The following FRMD6 variants were observed in gnomAD, a reference collection of about 807,000 sequenced individuals.
FRMD6 encodes the protein FERM domain-containing protein 6.
Under a neutral mutation model 73.2 loss-of-function variants are expected in FRMD6, and 37 were observed. The observed-to-expected ratio is 0.51, with a 90% CI of 0.39 to 0.66. FRMD6 has a LOEUF of 0.66. FRMD6 is among the 30% of genes least tolerant of loss of function. The probability of loss-of-function intolerance (pLI) is 0.00; values close to 1 mark genes in which losing one functional copy is unlikely to be tolerated. For missense variants in FRMD6, 714 were observed against 780.5 expected (o/e 0.91, Z 1.02); for synonymous variants, 273 against 282.2 (o/e 0.97, Z 0.33).
intron 1 of FRMD6, chr14:51,548,002 T>G (rs893479277): frequency 3.9e-5 from 6 of 152,100 alleles, no homozygotes; most frequent in African/African-American, 1.4e-4. Context: ...GAAATGTTAA[T>G]GAGGTGATGG....
chr14:51,673,650 T>C (rs1184037542), intron 1 of FRMD6, among the ~76,000 whole-genome samples: 1 of 152,184 alleles, frequency 6.6e-6, no homozygotes, highest in Admixed American at 6.6e-5. Context: ...GAACTGAAAG[T>C]TCCTGGATGT....
upstream of FRMD6, among the ~76,000 whole-genome samples, chr14:51,484,400 G>C (rs1340605286): frequency 2.0e-5 from 3 of 152,092 alleles, no homozygotes; most frequent in Non-Finnish European, 4.4e-5. Context: ...CACCAGAATA[G>C]CCACTCAACA....
intron 1 of FRMD6, among the ~76,000 whole-genome samples, chr14:51,687,365 A>C (rs987540230): frequency 3.9e-5 from 6 of 152,188 alleles, no homozygotes; most frequent in Non-Finnish European, 8.8e-5. Context: ...AGATGCATTT[A>C]ATCAAAGCTT....
chr14:51,501,697 A>G (rs1883629299), intron 1 of FRMD6, among the ~76,000 whole-genome samples: 1 of 152,106 alleles, frequency 6.6e-6, no homozygotes, highest in Non-Finnish European at 1.5e-5. Flanking sequence ...ATGTTTCTTT[A>G]TAATAAAACA....
chr14:51,612,249 T>C (rs948073425), intron 2 of FRMD6, among the ~76,000 whole-genome samples: 10 of 152,204 alleles, frequency 6.6e-5, no homozygotes, highest in African/African-American at 2.4e-4. Context: ...CTCCATTTAG[T>C]CAACTCTAGA....
At chr14:51,608,530 C>T (rs1405484538) in intron 2 of FRMD6, among the ~76,000 whole-genome samples, 2 of 151,994 alleles carry the variant, frequency 1.3e-5, no homozygotes, top group Non-Finnish European at 2.9e-5. Context: ...CCTCCCCTTC[C>T]TTCTCTCAGG....
At chr14:51,640,392 T>A (rs973283607) in intron 2 of FRMD6, among the ~76,000 whole-genome samples, 2 of 152,226 alleles carry the variant, frequency 1.3e-5, no homozygotes, top group African/African-American at 4.8e-5. Context: ...CTGTATGTCA[T>A]GAATGGGTAT....
intron 2 of FRMD6, among the ~76,000 whole-genome samples, chr14:51,628,253 A>G (rs1458067428): frequency 1.3e-5 from 2 of 152,220 alleles, no homozygotes; most frequent in African/African-American, 4.8e-5. Flanking sequence ...TACTTTTAAT[A>G]TGAAGATCAC....
the FRMD6 span, among the ~76,000 whole-genome samples, chr14:51,478,045 T>A: frequency 2.0e-5 from 3 of 152,242 alleles, no homozygotes; most frequent in Non-Finnish European, 4.4e-5. Flanking sequence ...GACTGTTTTT[T>A]TCTATAGCAT....
At chr14:51,414,165 C>T in the FRMD6 span, among the ~76,000 whole-genome samples, 202 of 152,194 alleles carry the variant, frequency 1.3e-3, 2 homozygotes, top group Admixed American at 0.013. Context: ...TAATTAGATC[C>T]CATTTGTCTA....
intron 13 of FRMD6, among the ~76,000 whole-genome samples, 199 bp from the exon 14 acceptor site, chr14:51,727,546 A>T (rs1452222280): frequency 6.6e-6 from 1 of 152,192 alleles, no homozygotes; most frequent in East Asian, 1.9e-4. Context: ...TTGCTCGGTA[A>T]ATGTTAGCTG....
chr14:51,671,725 A>T (rs534681674), intron 1 of FRMD6, among the ~76,000 whole-genome samples: 32 of 152,330 alleles, frequency 2.1e-4, no homozygotes, highest in African/African-American at 7.5e-4. Flanking sequence ...AGAAATCAGC[A>T]GTTGGTGGAT....
chr14:51,713,458 CA>C (rs5808631), intron 9 of FRMD6, among the ~76,000 whole-genome samples: 74,298 of 111,480 alleles, frequency 0.67, 22,103 homozygotes, highest in Admixed American at 0.69. Flanking sequence ...AACTCCATCT[CA>C]AAAAAAAAAA....
chr14:51,530,843 G>A (rs1299432238), intron 1 of FRMD6, among the ~76,000 whole-genome samples: 1 of 152,128 alleles, frequency 6.6e-6, no homozygotes, highest in African/African-American at 2.4e-5. Context: ...TCAGCGTTCT[G>A]GCAGATACCA....
chr14:51,546,170 G>A (rs1245596465), intron 1 of FRMD6, among the ~76,000 whole-genome samples: 1 of 152,080 alleles, frequency 6.6e-6, no homozygotes. Context: ...AGGCCAAAAA[G>A]GGAATTATTG....
intron 2 of FRMD6, among the ~76,000 whole-genome samples, chr14:51,631,519 G>T (rs957304924): frequency 6.6e-6 from 1 of 152,186 alleles, no homozygotes; most frequent in Non-Finnish European, 1.5e-5. Flanking sequence ...GAAGCTAAGG[G>T]TTGTTCATGC....
upstream of FRMD6, among the ~76,000 whole-genome samples, chr14:51,485,721 T>C (rs2140150615): frequency 1.3e-5 from 2 of 152,358 alleles, no homozygotes; most frequent in Admixed American, 1.3e-4. Flanking sequence ...ATCACATGTG[T>C]GGTTACAGAA....
the FRMD6 span, among the ~76,000 whole-genome samples, chr14:51,472,414 C>T: frequency 1.8e-3 from 270 of 152,282 alleles, no homozygotes; most frequent in Middle Eastern, 0.01. Context: ...CGCCATTCTC[C>T]TGCTTCAGCC....
chr14:51,474,828 T>A, the FRMD6 span, among the ~76,000 whole-genome samples: 1 of 152,234 alleles, frequency 6.6e-6, no homozygotes. Context: ...GTGACTCATT[T>A]TGCCCTATCA....
Sources: allele counts gnomAD v4.1 joint callset (sites outside exome capture counted in the v4.1 genomes callset), GRCh38; gene constraint gnomAD v4.1.1; transcripts MANE v1.5; gene names NCBI Gene and HGNC (gene_info 2026-07-23, HGNC 2026-07-21).